Variants in CLTCL1 observed in about 807,000 individuals in gnomAD.
The protein encoded by CLTCL1 is clathrin heavy chain 2.
CLTCL1 carries 159 observed loss-of-function variants against 190.0 expected under a neutral mutation model. The observed-to-expected ratio is 0.84, with a 90% CI of 0.74 to 0.95. The LOEUF is 0.95. CLTCL1 is among the 40% of genes least tolerant of loss of function. CLTCL1 has a pLI of 0.00. For synonymous variants in CLTCL1, 752 were observed against 769.6 expected (o/e 0.98, Z 0.38); for missense variants, 1,878 against 2,033.4 (o/e 0.92, Z 1.47).
intron 2 of CLTCL1, among the ~76,000 whole-genome samples, chr22:19,266,172 C>T (rs1317086108): frequency 1.3e-5 from 2 of 149,542 alleles, no homozygotes; most frequent in Admixed American, 6.8e-5. Context: ...TATGAGCCAC[C>T]AGGCCTGACC....
At chr22:19,210,656 G>T in intron 19 of CLTCL1, 147 bp from the exon 20 acceptor site, 1 of 618,934 alleles carries the variant, frequency 1.6e-6, no homozygotes, top group South Asian at 2.1e-5. Flanking sequence ...ATACAACAGA[G>T]TATTTGTGAA....
intron 19 of CLTCL1, 28 bp downstream of exon 19, chr22:19,216,083 T>A (rs782610600): frequency 4.3e-6 from 7 of 1,609,998 alleles, no homozygotes; most frequent in Middle Eastern, 1.7e-4. Flanking sequence ...TCTGCCTGTG[T>A]CCACAGCTAC....
chr22:19,271,812 A>G (rs1481692791), intron 2 of CLTCL1, among the ~76,000 whole-genome samples: 2 of 152,174 alleles, frequency 1.3e-5, no homozygotes, highest in East Asian at 3.9e-4. Context: ...AACTCCTCAT[A>G]AAAACCATTC....
intron 21 of CLTCL1, among the ~76,000 whole-genome samples, chr22:19,208,606 T>G (rs539621908): frequency 6.6e-6 from 1 of 151,812 alleles, no homozygotes; most frequent in East Asian, 1.9e-4. Flanking sequence ...CACAATCAAC[T>G]TGAAACACCA....
chr22:19,208,436 A>C (rs2085117353), intron 21 of CLTCL1, 125 bp from the exon 22 acceptor site: 1 of 1,084,860 alleles, frequency 9.2e-7, no homozygotes, highest in Non-Finnish European at 1.3e-6. Flanking sequence ...GGGAACTCAG[A>C]CTCCAGATAA....
chr22:19,179,518 TGA>T lies in CLTCL1; in HGVS notation c.*470_*471del, dbSNP rs1329216103. Reference sequence around the variant, plus strand: ...TTAATATTTATGATTGCCAAGAGGCTGAGAGTCCTTTTATGAGGTCCGGTACC... The same window carrying T: ...TTAATATTTATGATTGCCAAGAGGCTGAGTCCTTTTATGAGGTCCGGTACC... On this transcript the variant is annotated 3_prime_UTR_variant, in exon 33 of 33. Transcript: ENST00000427926. 1 of 152,650 alleles carries T rather than the reference TGA, an allele frequency of 6.6e-6. No individual in the cohort carries two copies. Among genetic ancestry groups the T allele is most frequent in the Non-Finnish European group, 1.5e-5 (1 of 68,414 alleles). The allele number at this position is 152,650 out of a possible 1,614,324, so 9.5% of individuals were successfully genotyped here. A position where few individuals can be genotyped will look rare whatever the true frequency, so the allele number is the denominator to read the frequency against.
At chr22:19,207,583 C>T (rs988445162) in intron 22 of CLTCL1, 7 of 406,798 alleles carry the variant, frequency 1.7e-5, no homozygotes, top group Admixed American at 4.1e-5. Context: ...TCCCCAACCC[C>T]CATGCCACGG....
chr22:19,282,557 A>G (rs1455711205), intron 1 of CLTCL1, among the ~76,000 whole-genome samples: 2 of 150,546 alleles, frequency 1.3e-5, no homozygotes, highest in Admixed American at 1.3e-4. Flanking sequence ...AGAACCCAGG[A>G]GGTGGAGGCT....
chr22:19,232,588 G>C lies in CLTCL1; in HGVS notation c.1532C>G (p.Thr511Ser). 6.2e-7 allele frequency: 1 copy of C among 1,612,740 alleles called. No individual in the cohort carries two copies. The highest frequency in any genetic ancestry group is 8.5e-7 in the Non-Finnish European group (1 of 1,179,326). ...IVLYAKKVGY[T>S]PDWIFLLRGV... ...CCTCAGCAGAAAGATCCAGTCTGGGGTGTACCCAACCTAGAAGCAAGGGAG... is the reference window on the plus strand; with the variant it reads ...CCTCAGCAGAAAGATCCAGTCTGGGCTGTACCCAACCTAGAAGCAAGGGAG... Residue 511 changes from threonine to serine, a missense_variant, in exon 10 of 33, where the codon ACC becomes AGC. By Grantham distance (58) the Thr-to-Ser change is moderately conservative. Coordinates refer to ENST00000427926, the MANE Select transcript of CLTCL1 (RefSeq NM_007098.4).
chr22:19,195,352 G>A (rs187691948), intron 26 of CLTCL1, among the ~76,000 whole-genome samples: 17 of 152,264 alleles, frequency 1.1e-4, no homozygotes, highest in Admixed American at 3.3e-4. Context: ...CAAGAAGCTC[G>A]GGCTTGTGGC....
intron 3 of CLTCL1, among the ~76,000 whole-genome samples, chr22:19,249,303 G>A (rs2086516496): frequency 6.6e-6 from 1 of 152,046 alleles, no homozygotes; most frequent in Admixed American, 6.5e-5. Context: ...AGGTTGCAGT[G>A]AGCCGAGATT....
At chr22:19,269,947 T>A (rs4819508) in intron 2 of CLTCL1, among the ~76,000 whole-genome samples, 81,620 of 138,202 alleles carry the variant, frequency 0.59, 22,991 homozygotes, top group African/African-American at 0.73. Flanking sequence ...AAAGTAAAAT[T>A]AAAAAAAAAA....
chr22:19,232,469 CG>C lies in CLTCL1; in HGVS notation c.1644+6del. ...ACAAAAAGTTGTCCAAAACTGCCTA[CG>C]CTCACCTGGCTAATGTTGGCCAGCG... is the stretch of plus-strand genomic sequence containing the variant. On this transcript the variant is annotated splice_donor_region_variant and intron_variant, in intron 10 of 32. Coordinates refer to ENST00000427926, the MANE Select transcript of CLTCL1 (RefSeq NM_007098.4). The C allele has an allele frequency of 1.2e-6, 2 of 1,613,918 alleles. No individual in the cohort carries two copies.
chr22:19,273,619 G>A (rs1402807268), intron 2 of CLTCL1, among the ~76,000 whole-genome samples: 1 of 151,860 alleles, frequency 6.6e-6, no homozygotes, highest in African/African-American at 2.4e-5. Context: ...ATACCAACAC[G>A]CCTCTCTTTC....
At position 19,180,228 on chromosome 22, in the gene CLTCL1, C is replaced by G. The variant is rs200374285; in HGVS notation, c.4914G>C (p.Gly1638=). The G allele has an allele frequency of 6.2e-7, 1 of 1,613,762 alleles. No homozygotes were observed. Among genetic ancestry groups the G allele is most frequent in the South Asian group, 1.1e-5 (1 of 91,084 alleles). Reference sequence around the variant, plus strand: ...TGCAATCAGCTGGGTCTCATTCATGCCCATCAAAATCTAAAAAAACCAGAA... The same window carrying G: ...TGCAATCAGCTGGGTCTCATTCATGGCCATCAAAATCTAAAAAAACCAGAA... ...EPAPLVFDFD[G]HE Residue 1638 remains glycine (G), a synonymous_variant, in exon 32 of 33, where the codon GGG becomes GGC. Transcript: ENST00000427926.
chr22:19,216,378 G>A, intron 18 of CLTCL1, 122 bp from the exon 19 acceptor site: 1 of 840,652 alleles, frequency 1.2e-6, no homozygotes. Flanking sequence ...GAAAATGGGA[G>A]ACTTCTTAAT....
intron 4 of CLTCL1, among the ~76,000 whole-genome samples, chr22:19,240,244 C>T (rs1382945234): frequency 8.6e-5 from 13 of 150,578 alleles, no homozygotes; most frequent in African/African-American, 2.7e-4. Context: ...ATTACAGGCA[C>T]GAGCCACCAC....
At chr22:19,278,962 G>A (rs193280838) in intron 1 of CLTCL1, among the ~76,000 whole-genome samples, 52 of 152,130 alleles carry the variant, frequency 3.4e-4, no homozygotes, top group African/African-American at 1.2e-3. Context: ...GGCTGGTCTC[G>A]AACTCCTGAC....
intron 26 of CLTCL1, among the ~76,000 whole-genome samples, chr22:19,195,437 C>T (rs1250817108): frequency 3.3e-5 from 5 of 152,198 alleles, no homozygotes; most frequent in South Asian, 2.1e-4. Context: ...TGGCAGCACA[C>T]GTGCCACTCG....
Sources: allele counts gnomAD v4.1 joint callset (sites outside exome capture counted in the v4.1 genomes callset), GRCh38; gene constraint gnomAD v4.1.1; transcripts MANE v1.5; gene names NCBI Gene and HGNC (gene_info 2026-07-23, HGNC 2026-07-21).